The following SCARB1 variants were observed in gnomAD, a reference collection of about 807,000 sequenced individuals.
The protein encoded by SCARB1 is CD36 and LIMPII analogous 1.
In SCARB1, 30 loss-of-function variants were observed where a neutral mutation model predicts 57.2. That is an observed-to-expected ratio of 0.52 (90% CI 0.39 to 0.71). The LOEUF is 0.71. Ranked by LOEUF, SCARB1 falls within the 30% of genes least tolerant of loss-of-function variation. The probability of loss-of-function intolerance (pLI) is 0.00; values close to 1 mark genes in which losing one functional copy is unlikely to be tolerated. For missense variants in SCARB1, 543 were observed against 671.2 expected (o/e 0.81, Z 2.11); for synonymous variants, 249 against 268.3 (o/e 0.93, Z 0.70).
intron 10 of SCARB1, 93 bp downstream of exon 10, chr12:124,787,313 C>G: frequency 8.4e-7 from 1 of 1,185,656 alleles, no homozygotes; most frequent in Non-Finnish European, 1.2e-6. Context: ...CAGCCCTCTC[C>G]CTTTCTACAA....
chr12:124,802,228 T>TA, intron 7 of SCARB1, among the ~76,000 whole-genome samples: 1 of 151,894 alleles, frequency 6.6e-6, no homozygotes, highest in Non-Finnish European at 1.5e-5. Flanking sequence ...AACCTGTTAC[T>TA]GCATGAGGCT....
At position 124,789,238 on chromosome 12, in the gene SCARB1, C is replaced by T. The variant is rs185704806; in HGVS notation, c.1203-1781G>A. Among the ~76,000 whole-genome samples, 196 of 152,244 alleles carry T rather than the reference C, an allele frequency of 1.3e-3. 2 individuals carry two copies. The South Asian group carries it at 0.022, about 17-fold the overall frequency. ...CTCTGAAACTGGAACTTTCTCTCTG[C>T]GGTCCTCCTCCCAAAACCCATCACC... On this transcript the variant is annotated intron_variant, in intron 9 of 12. Coordinates refer to ENST00000261693, the MANE Select transcript of SCARB1 (RefSeq NM_005505.5). The surrounding 1 kb of genome is among the most constrained non-coding windows in gnomAD (Gnocchi z 4.4).
At chr12:124,786,610 C>T (rs2135541457) in intron 10 of SCARB1, 107 bp from the exon 11 acceptor site, 1 of 1,549,118 alleles carries the variant, frequency 6.5e-7, no homozygotes, top group Admixed American at 1.9e-5. Flanking sequence ...TTTTCCCCAC[C>T]TCAAGCTTCC....
In SCARB1 at chr12:124,863,723, C is replaced by CA; in HGVS notation, c.-4_-3insT. 1.3e-6 allele frequency: 2 copies of CA among 1,490,616 alleles called. No individual in the cohort carries two copies. Among genetic ancestry groups the CA allele is most frequent in the South Asian group, 2.6e-5 (2 of 77,680 alleles). The allele number at this position is 1,490,616 out of a possible 1,614,324, so 92.3% of individuals were successfully genotyped here. A position where few individuals can be genotyped will look rare whatever the true frequency, so the allele number is the denominator to read the frequency against. On this transcript the variant is annotated 5_prime_UTR_variant, in exon 1 of 13. The change creates a new upstream start codon in the 5' untranslated region. Transcript: ENST00000261693. ...CGCGCTTTGGCGGAGCAGCCCATGT[C>CA]TGCGCGCCTGGGGCCCACCCGCGGC...
At chr12:124,795,601 C>T (rs1949917156) in intron 8 of SCARB1, among the ~76,000 whole-genome samples, 1 of 152,200 alleles carries the variant, frequency 6.6e-6, no homozygotes, top group Admixed American at 6.5e-5. Flanking sequence ...TTCACCTGTC[C>T]TCCTAAGACA....
chr12:124,838,567 C>T (rs1363835599), intron 1 of SCARB1, among the ~76,000 whole-genome samples: 1 of 152,004 alleles, frequency 6.6e-6, no homozygotes, highest in African/African-American at 2.4e-5. Flanking sequence ...CTCAGGGCTG[C>T]CTGCTTCAAA....
chr12:124,812,224 G>A lies in SCARB1; in HGVS notation c.631-259C>T, dbSNP rs1374461725. ...CAGGAGAGTCTGGCTTTCCTCCCAG[G>A]TAAATGGCAGATCACCCCCACCACA... is the stretch of plus-strand genomic sequence containing the variant. On this transcript the variant is annotated intron_variant, in intron 4 of 12. Transcript: ENST00000261693. This position sits in a 1 kb window ranked among gnomAD's most constrained non-coding sequence, Gnocchi z 4.3. Among the ~76,000 whole-genome samples the A allele has an allele frequency of 7.9e-5, 12 of 152,096 alleles. No individual in the cohort carries two copies. Among genetic ancestry groups the A allele is most frequent in the Non-Finnish European group, 1.5e-5 (1 of 68,008 alleles).
At chr12:124,797,856 T>C (rs1223398801) in intron 8 of SCARB1, among the ~76,000 whole-genome samples, 1 of 152,172 alleles carries the variant, frequency 6.6e-6, no homozygotes, top group Non-Finnish European at 1.5e-5. Flanking sequence ...GCCATGGAGC[T>C]TCGGGAAGGG....
intron 6 of SCARB1, among the ~76,000 whole-genome samples, chr12:124,809,653 A>G (rs771458291): frequency 1.3e-5 from 2 of 152,218 alleles, no homozygotes. Context: ...CAAGGTCCAC[A>G]TGAGTGAATT....
chr12:124,814,812 G>A lies in SCARB1; in HGVS notation c.426+161C>T. The A allele has an allele frequency of 2.3e-6, 2 of 856,066 alleles. No individual in the cohort carries two copies. The highest frequency in any genetic ancestry group is 1.9e-6 in the Non-Finnish European group (1 of 529,052). 53.0% of individuals were successfully genotyped at this position (856,066 alleles called of 1,614,324 possible). A position where few individuals can be genotyped will look rare whatever the true frequency, so the allele number is the denominator to read the frequency against. ...CCACCTGGGAAACTCAGAACCCACT[G>A]GGGGTGGTGGAGACAGCACAGGGCC... On this transcript the variant is annotated intron_variant, in intron 3 of 12. Coordinates refer to ENST00000261693, the MANE Select transcript of SCARB1 (RefSeq NM_005505.5). The surrounding 1 kb of genome is among the most constrained non-coding windows in gnomAD (Gnocchi z 4.7).
intron 1 of SCARB1, among the ~76,000 whole-genome samples, chr12:124,842,102 C>T (rs775501069): frequency 6.6e-6 from 1 of 152,234 alleles, no homozygotes; most frequent in Non-Finnish European, 1.5e-5. Context: ...CTGCCCGGAG[C>T]AGATTCTCCA....
chr12:124,824,058 C>T (rs1951043656), intron 1 of SCARB1, among the ~76,000 whole-genome samples: 2 of 151,534 alleles, frequency 1.3e-5, no homozygotes, highest in South Asian at 4.2e-4. Flanking sequence ...ACTGTATTCC[C>T]AGCTACTCGG....
chr12:124,863,357 G>A (rs1294066759), intron 1 of SCARB1, among the ~76,000 whole-genome samples: 1 of 152,204 alleles, frequency 6.6e-6, no homozygotes, highest in African/African-American at 2.4e-5. Flanking sequence ...ACCCTGGCCT[G>A]CGCCTCCAGC....
intron 7 of SCARB1, among the ~76,000 whole-genome samples, chr12:124,803,526 C>G (rs774286073): frequency 1.3e-5 from 2 of 151,874 alleles, no homozygotes; most frequent in African/African-American, 2.4e-5. Context: ...GCCATGATGG[C>G]ACCACTGCAC....
chr12:124,792,936 C>T (rs1949784012), intron 9 of SCARB1, among the ~76,000 whole-genome samples: 1 of 151,812 alleles, frequency 6.6e-6, no homozygotes, highest in Admixed American at 6.6e-5. Flanking sequence ...TGGTCACCCA[C>T]TTGGCCCCAG....
At position 124,811,861 on chromosome 12, in the gene SCARB1, G is replaced by GCCCCTCA; in HGVS notation, c.726+2_726+8dup. ...CTGGCGACAGGGGCCCTCGCCTCTCGCCCCTCACCTTGCTCAGCCCGTTCC... is the reference window on the plus strand; with the variant it reads ...CTGGCGACAGGGGCCCTCGCCTCTCGCCCCTCACCCCTCACCTTGCTCAGCCCGTTCC... On this transcript the variant is annotated intron_variant, in intron 5 of 12. Coordinates refer to ENST00000261693, the MANE Select transcript of SCARB1 (RefSeq NM_005505.5). 1.2e-6 allele frequency: 2 copies of GCCCCTCA among 1,604,020 alleles called. No individual in the cohort carries two copies. Among genetic ancestry groups the GCCCCTCA allele is most frequent in the African/African-American group, 1.3e-5 (1 of 74,466 alleles).
chr12:124,852,419 C>T (rs1952450023), intron 1 of SCARB1, among the ~76,000 whole-genome samples: 1 of 152,184 alleles, frequency 6.6e-6, no homozygotes, highest in South Asian at 2.1e-4. Context: ...TCGCTACAGC[C>T]CGAGGAGGGA....
At chr12:124,849,500 T>C (rs1285410610) in intron 1 of SCARB1, among the ~76,000 whole-genome samples, 1 of 152,212 alleles carries the variant, frequency 6.6e-6, no homozygotes, top group African/African-American at 2.4e-5. Context: ...CTGGGAACTT[T>C]CTGCCTGAAG....
chr12:124,856,399 C>T (rs1312080526), intron 1 of SCARB1, among the ~76,000 whole-genome samples: 1 of 152,236 alleles, frequency 6.6e-6, no homozygotes, highest in Non-Finnish European at 1.5e-5. Flanking sequence ...CACACACCAA[C>T]ACACGTGTGT....
Sources: gnomAD v4.1 joint callset for allele counts (sites outside exome capture counted in the v4.1 genomes callset) on GRCh38, gnomAD v4.1.1 for gene constraint, Gnocchi (gnomAD v3.1) non-coding constraint, MANE v1.5 for transcripts, NCBI Gene and HGNC (gene_info 2026-07-23, HGNC 2026-07-21) for gene names.